The following WWOX variants were observed in gnomAD, a reference collection of about 807,000 sequenced individuals.
WWOX encodes the protein WW domain containing oxidoreductase.
In WWOX, 69 loss-of-function variants were observed where a neutral mutation model predicts 46.2. That is an observed-to-expected ratio of 1.49 (90% CI 1.23 to 1.82). The LOEUF is 1.82. Ranked by LOEUF, WWOX falls within the 40% of genes most tolerant of loss-of-function variation. The pLI is 0.00. For synonymous variants in WWOX, 359 were observed against 202.6 expected, an observed-to-expected ratio of 1.77 and a Z score of -6.56; for missense variants, 919 against 542.6, an observed-to-expected ratio of 1.69 and a Z score of -6.89.
In WWOX at chr16:78,779,562, A is replaced by G. The variant is rs144883918; in HGVS notation, c.1056+346810A>G. Among the ~76,000 whole-genome samples, 642 of 152,252 alleles carry G rather than the reference A, an allele frequency of 4.2e-3. 4 individuals carry two copies. Among genetic ancestry groups the G allele is most frequent in the African/African-American group, 0.015 (616 of 41,534 alleles). ...GCATTGTGCTCAGCTCTTTGTACAG[A>G]TTGTTTAACCCTCACAAGTCTATGA... is the stretch of plus-strand genomic sequence containing the variant. On this transcript the variant is annotated intron_variant, in intron 8 of 8. Coordinates refer to ENST00000566780, the MANE Select transcript of WWOX (RefSeq NM_016373.4).
chr16:78,666,242 T>A lies in WWOX; in HGVS notation c.1056+233490T>A, dbSNP rs1597415707. ...GTCAAGGCTGTATAGTAAACTGTGA[T>A]CCTGCCACTGCACTCTAGCCTGGGT... On this transcript the variant is annotated intron_variant, in intron 8 of 8. Coordinates refer to ENST00000566780, the MANE Select transcript of WWOX (RefSeq NM_016373.4). Among the ~76,000 whole-genome samples the A allele has an allele frequency of 2.6e-5, 4 of 152,070 alleles. No individual in the cohort carries two copies. In the South Asian group the frequency reaches 8.3e-4, roughly 32 times the overall value.
intron 8 of WWOX, among the ~76,000 whole-genome samples, chr16:78,676,963 C>T (rs778660195): frequency 6.6e-6 from 1 of 151,852 alleles, no homozygotes; most frequent in African/African-American, 2.4e-5. Flanking sequence ...AACGGTGTTT[C>T]CTCTGGACTA....
chr16:78,676,109 TCAGACAAC>T (rs1193023074), intron 8 of WWOX, among the ~76,000 whole-genome samples: 10 of 151,826 alleles, frequency 6.6e-5, no homozygotes, highest in South Asian at 2.1e-4. Context: ...GGGACAGTAA[TCAGACAAC>T]CAGACAACCA....
chr16:78,621,097 C>G (rs2046169486), intron 8 of WWOX, among the ~76,000 whole-genome samples: 1 of 152,128 alleles, frequency 6.6e-6, no homozygotes, highest in African/African-American at 2.4e-5. Flanking sequence ...CCTTGGTCCA[C>G]AGTTTATCTT....
intron 6 of WWOX, among the ~76,000 whole-genome samples, chr16:78,403,700 G>T (rs1166618829): frequency 1.3e-5 from 2 of 152,208 alleles, no homozygotes; most frequent in African/African-American, 4.8e-5. Context: ...TCGCATGGGG[G>T]CTCCCCAGAT....
intron 5 of WWOX, among the ~76,000 whole-genome samples, chr16:78,297,662 C>T (rs7199997): frequency 0.46 from 70,377 of 151,908 alleles, 16,766 homozygotes; most frequent in South Asian, 0.63. Context: ...CTGTTGGAGA[C>T]GGAGCACCGG....
intron 8 of WWOX, chr16:78,891,353 T>C (rs1379501536): frequency 1.3e-5 from 2 of 152,128 alleles, no homozygotes; most frequent in Non-Finnish European, 2.9e-5. Flanking sequence ...CTCTAAACGA[T>C]TGCGCTTCAT....
chr16:79,196,306 T>G (rs982125418), intron 8 of WWOX: 1 of 152,226 alleles, frequency 6.6e-6, no homozygotes, highest in African/African-American at 2.4e-5. Flanking sequence ...GATTTCACAA[T>G]GAGAGACCAA....
intron 8 of WWOX, among the ~76,000 whole-genome samples, chr16:78,467,122 G>C (rs1597125890): frequency 6.6e-6 from 1 of 152,262 alleles, no homozygotes; most frequent in Non-Finnish European, 1.5e-5. Flanking sequence ...TATAGTCTTT[G>C]ATCTTGTCAT....
At chr16:79,155,191 C>A (rs1336545368) in intron 8 of WWOX, among the ~76,000 whole-genome samples, 2 of 152,130 alleles carry the variant, frequency 1.3e-5, no homozygotes, top group African/African-American at 4.8e-5. Flanking sequence ...TTCTGGCCAA[C>A]ATGGTGAAAC....
intron 6 of WWOX, among the ~76,000 whole-genome samples, chr16:78,406,303 A>AATAT (rs532594425): frequency 0.011 from 605 of 57,592 alleles, 5 homozygotes; most frequent in Non-Finnish European, 0.018. Context: ...TATAAATATA[A>AATAT]ATATATATAT....
intron 5 of WWOX, among the ~76,000 whole-genome samples, chr16:78,224,636 G>A (rs554432798): frequency 1.3e-5 from 2 of 152,270 alleles, no homozygotes; most frequent in East Asian, 3.9e-4. Flanking sequence ...GAATGTTTTT[G>A]TAGTACACAC....
intron 5 of WWOX, among the ~76,000 whole-genome samples, chr16:78,244,000 C>T (rs371003932): frequency 6.6e-6 from 1 of 152,184 alleles, no homozygotes; most frequent in Non-Finnish European, 1.5e-5. Context: ...CGTTTGATGT[C>T]CAGTGTGGAC....
At chr16:78,213,753 T>C (rs1251761861) in intron 5 of WWOX, among the ~76,000 whole-genome samples, 1 of 152,116 alleles carries the variant, frequency 6.6e-6, no homozygotes, top group Non-Finnish European at 1.5e-5. Context: ...AAAATGAAGC[T>C]GCAAATGTCT....
At chr16:78,638,036 C>G (rs1282325137) in intron 8 of WWOX, among the ~76,000 whole-genome samples, 2 of 152,188 alleles carry the variant, frequency 1.3e-5, no homozygotes, top group Non-Finnish European at 2.9e-5. Flanking sequence ...GAAGCTTGCT[C>G]ACATCATCCA....
intron 8 of WWOX, chr16:79,101,125 T>C (rs1368795575): frequency 6.6e-6 from 1 of 152,222 alleles, no homozygotes; most frequent in East Asian, 1.9e-4. Context: ...TTATTTTGCA[T>C]TCTGTACAGG....
chr16:78,409,894 A>G (rs1394250664), intron 6 of WWOX, among the ~76,000 whole-genome samples: 3 of 152,142 alleles, frequency 2.0e-5, no homozygotes, highest in Admixed American at 6.6e-5. Context: ...TGTTGTGATG[A>G]CACTGTGCTT....
At position 78,266,582 on chromosome 16, in the gene WWOX, C is replaced by G. The variant is rs556504064; in HGVS notation, c.516+102293C>G. ...TGGAACTAGCCTGCTTGAGTCTAGTCTTGGCTCTGTGCTGACTACCTGTAG... is the reference window on the plus strand; with the variant it reads ...TGGAACTAGCCTGCTTGAGTCTAGTGTTGGCTCTGTGCTGACTACCTGTAG... On this transcript the variant is annotated intron_variant, in intron 5 of 8. Coordinates refer to ENST00000566780, the MANE Select transcript of WWOX (RefSeq NM_016373.4). Among the ~76,000 whole-genome samples the G allele has an allele frequency of 7.9e-5, 12 of 152,276 alleles. No homozygotes were observed. In the Middle Eastern group the frequency reaches 0.014, roughly 173 times the overall value.
intron 5 of WWOX, among the ~76,000 whole-genome samples, chr16:78,208,438 C>T (rs945950015): frequency 3.9e-5 from 6 of 152,226 alleles, no homozygotes; most frequent in South Asian, 4.2e-4. Flanking sequence ...TTAAGAGTCA[C>T]GACCCTTAGG....
Sources: gnomAD v4.1 joint callset for allele counts (sites outside exome capture counted in the v4.1 genomes callset) on GRCh38, gnomAD v4.1.1 for gene constraint, MANE v1.5 for transcripts, NCBI Gene and HGNC (gene_info 2026-07-23, HGNC 2026-07-21) for gene names.